Variants in DTHD1 observed in about 807,000 individuals in gnomAD.
The protein encoded by DTHD1 is death domain containing 1.
Under a neutral mutation model 74.8 loss-of-function variants are expected in DTHD1, and 59 were observed. That is an observed-to-expected ratio of 0.79 (90% CI 0.64 to 0.98). DTHD1 has a LOEUF of 0.98. Ranked by LOEUF, DTHD1 falls within the 50% of genes least tolerant of loss-of-function variation. The pLI, the probability that DTHD1 is intolerant of heterozygous loss-of-function variation, is 0.00. For synonymous variants in DTHD1, 365 were observed against 371.1 expected, an observed-to-expected ratio of 0.98 and a Z score of 0.19; for missense variants, 1,051 against 1,065.4, an observed-to-expected ratio of 0.99 and a Z score of 0.19.
At chr4:36,331,051 T>C (rs535165233) in intron 8 of DTHD1, among the ~76,000 whole-genome samples, 1 of 152,214 alleles carries the variant, frequency 6.6e-6, no homozygotes. Context: ...TTATTTATCC[T>C]AGAGCACTTA....
At chr4:36,295,245 AAAG>A (rs1756330004) in intron 5 of DTHD1, among the ~76,000 whole-genome samples, 2 of 152,186 alleles carry the variant, frequency 1.3e-5, no homozygotes, top group African/African-American at 4.8e-5. Flanking sequence ...GTATAAAGAT[AAAG>A]ATGGAGACAA....
At chr4:36,333,282 G>A (rs1758803230) in intron 8 of DTHD1, among the ~76,000 whole-genome samples, 1 of 151,900 alleles carries the variant, frequency 6.6e-6, no homozygotes, top group South Asian at 2.1e-4. Flanking sequence ...TCTAGTCATT[G>A]GGGCCAGCAA....
chr4:36,329,884 G>A (rs1363742365), intron 8 of DTHD1, among the ~76,000 whole-genome samples: 5 of 152,060 alleles, frequency 3.3e-5, no homozygotes, highest in African/African-American at 1.2e-4. Flanking sequence ...TAATAATATT[G>A]TTATGTTTTA....
chr4:36,310,759 A>T (rs753438303), intron 7 of DTHD1, among the ~76,000 whole-genome samples: 3 of 152,146 alleles, frequency 2.0e-5, no homozygotes, highest in Non-Finnish European at 4.4e-5. Flanking sequence ...AAAGTGTCCC[A>T]ATTTTAAGTG....
chr4:36,298,836 A>C (rs1009492433), intron 5 of DTHD1, among the ~76,000 whole-genome samples: 1 of 152,208 alleles, frequency 6.6e-6, no homozygotes, highest in Admixed American at 6.5e-5. Context: ...GTTAGACAGG[A>C]AAATGGTTTT....
chr4:36,345,595 C>T lies in DTHD1; in HGVS notation c.*1771C>T, dbSNP rs1390171123. The T allele has an allele frequency of 6.6e-6, 1 of 152,048 alleles. No individual in the cohort carries two copies. The highest frequency in any genetic ancestry group is 1.5e-5 in the Non-Finnish European group (1 of 68,008). 9.4% of individuals were successfully genotyped at this position (152,048 alleles called of 1,614,324 possible). A position where few individuals can be genotyped will look rare whatever the true frequency, so the allele number is the denominator to read the frequency against. ...GCGATTCCCATTTTCAAACATAGTCCCATAAAGGAATATTTTATTAGTCAA... is the reference window on the plus strand; with the variant it reads ...GCGATTCCCATTTTCAAACATAGTCTCATAAAGGAATATTTTATTAGTCAA... On this transcript the variant is annotated 3_prime_UTR_variant, in exon 10 of 10. Coordinates refer to ENST00000639862, the MANE Select transcript of DTHD1 (RefSeq NM_001170700.3).
chr4:36,320,317 A>G (rs1286079824), intron 8 of DTHD1, among the ~76,000 whole-genome samples: 1 of 152,214 alleles, frequency 6.6e-6, no homozygotes, highest in Non-Finnish European at 1.5e-5. Context: ...GCAGGCACAG[A>G]CACTGTCCAG....
At chr4:36,317,915 A>G (rs1198147362) in intron 8 of DTHD1, among the ~76,000 whole-genome samples, 1 of 152,236 alleles carries the variant, frequency 6.6e-6, no homozygotes, top group East Asian at 1.9e-4. Flanking sequence ...GTGGAAATGA[A>G]GAAAAAAGGC....
At chr4:36,336,171 G>A (rs1254464597) in intron 8 of DTHD1, among the ~76,000 whole-genome samples, 2 of 152,164 alleles carry the variant, frequency 1.3e-5, no homozygotes, top group African/African-American at 2.4e-5. Flanking sequence ...ATAGAGGGCT[G>A]GAGAGTCACC....
intron 8 of DTHD1, among the ~76,000 whole-genome samples, chr4:36,335,719 G>C (rs1216018048): frequency 6.6e-6 from 1 of 152,166 alleles, no homozygotes; most frequent in East Asian, 1.9e-4. Flanking sequence ...GAGGTTTCTT[G>C]GGAAATAACA....
At chr4:36,308,539 A>G (rs1757195647) in intron 7 of DTHD1, 46 bp downstream of exon 7, 4 of 1,454,696 alleles carry the variant, frequency 2.7e-6, no homozygotes, top group South Asian at 2.7e-5. Context: ...GCTATAAGCC[A>G]CAAGCTCTTC....
intron 7 of DTHD1, among the ~76,000 whole-genome samples, chr4:36,314,635 T>C (rs971231265): frequency 5.9e-5 from 9 of 152,002 alleles, no homozygotes; most frequent in Non-Finnish European, 1.3e-4. Flanking sequence ...TGAGCTGAGA[T>C]TGTGCCACTG....
intron 5 of DTHD1, among the ~76,000 whole-genome samples, chr4:36,301,884 T>C (rs1442896030): frequency 1.3e-5 from 2 of 151,998 alleles, no homozygotes; most frequent in African/African-American, 4.8e-5. Context: ...CAAGAAAACA[T>C]AGCATAATAG....
In DTHD1 at chr4:36,293,715, T is replaced by C; in HGVS notation, c.1398+10T>C. 1 of 1,488,634 alleles carries C rather than the reference T, an allele frequency of 6.7e-7. No individual in the cohort carries two copies. Among genetic ancestry groups the C allele is most frequent in the Non-Finnish European group, 9.0e-7 (1 of 1,108,032 alleles). The allele number at this position is 1,488,634 out of a possible 1,614,324, so 92.2% of individuals were successfully genotyped here. A position where few individuals can be genotyped will look rare whatever the true frequency, so the allele number is the denominator to read the frequency against. ...GCTGGTGCAGTTAAAGGTAAACATA[T>C]TAAAAATAGGTGAGTTCCTGCTCAT... On this transcript the variant is annotated intron_variant, in intron 4 of 9. Coordinates refer to ENST00000639862, the MANE Select transcript of DTHD1 (RefSeq NM_001170700.3).
chr4:36,291,310 G>A (rs1453883798), intron 3 of DTHD1, among the ~76,000 whole-genome samples: 2 of 152,178 alleles, frequency 1.3e-5, no homozygotes, highest in Non-Finnish European at 2.9e-5. Flanking sequence ...AACTTGCTGT[G>A]ACTCAGTTAC....
At chr4:36,300,027 T>G (rs1427391674) in intron 5 of DTHD1, among the ~76,000 whole-genome samples, 1 of 152,154 alleles carries the variant, frequency 6.6e-6, no homozygotes, top group African/African-American at 2.4e-5. Context: ...TAGAGTTTCT[T>G]CCTGCCTTCT....
At chr4:36,328,911 T>C (rs910806923) in intron 8 of DTHD1, among the ~76,000 whole-genome samples, 2 of 152,224 alleles carry the variant, frequency 1.3e-5, no homozygotes, top group Non-Finnish European at 2.9e-5. Flanking sequence ...GTGGGTTCAT[T>C]TGATGAATTA....
chr4:36,307,541 G>T (rs1429665276), intron 6 of DTHD1, among the ~76,000 whole-genome samples: 1 of 152,132 alleles, frequency 6.6e-6, no homozygotes, highest in Non-Finnish European at 1.5e-5. Context: ...AGGTACTAGG[G>T]GATAGTACTT....
chr4:36,298,223 T>A (rs1756560295), intron 5 of DTHD1, among the ~76,000 whole-genome samples: 1 of 152,112 alleles, frequency 6.6e-6, no homozygotes, highest in Admixed American at 6.6e-5. Flanking sequence ...GCCAACCCCA[T>A]CCTTTGTACA....
Sources: allele counts gnomAD v4.1 joint callset (sites outside exome capture counted in the v4.1 genomes callset), GRCh38; gene constraint gnomAD v4.1.1; transcripts MANE v1.5; gene names NCBI Gene and HGNC (gene_info 2026-07-23, HGNC 2026-07-21).